CTTNBP2: variants seen among roughly 807,000 people sequenced by gnomAD.
The protein encoded by CTTNBP2 is cortactin binding protein 2, also known as cortactin-binding protein 2.
Under a neutral mutation model 156.9 loss-of-function variants are expected in CTTNBP2, and 108 were observed. That is an observed-to-expected ratio of 0.69 (90% CI 0.59 to 0.81). The LOEUF is 0.81. Ranked by LOEUF, CTTNBP2 falls within the 30% of genes least tolerant of loss-of-function variation. The pLI is 0.00. For missense variants in CTTNBP2, 1,924 were observed against 2,035.4 expected, an observed-to-expected ratio of 0.95 and a Z score of 1.05; for synonymous variants, 767 against 751.8, an observed-to-expected ratio of 1.02 and a Z score of -0.33.
chr7:117,750,529 A>G (rs1036428270), intron 12 of CTTNBP2, among the ~76,000 whole-genome samples: 1 of 152,200 alleles, frequency 6.6e-6, no homozygotes, highest in African/African-American at 2.4e-5. Flanking sequence ...TTTCATTCGT[A>G]GGTTTCTCTC....
At chr7:117,838,005 G>T (rs140815515) in intron 2 of CTTNBP2, among the ~76,000 whole-genome samples, 1 of 152,178 alleles carries the variant, frequency 6.6e-6, no homozygotes, top group African/African-American at 2.4e-5. Flanking sequence ...CAGAGACAGA[G>T]ATCTGAGAGT....
chr7:117,718,369 T>C (rs1036053300), intron 21 of CTTNBP2, among the ~76,000 whole-genome samples: 1 of 151,936 alleles, frequency 6.6e-6, no homozygotes, highest in Admixed American at 6.6e-5. Context: ...AGAAGAACTC[T>C]CTAGGGAAAA....
intron 3 of CTTNBP2, among the ~76,000 whole-genome samples, chr7:117,799,289 T>A (rs1799484306): frequency 6.6e-6 from 1 of 151,710 alleles, no homozygotes; most frequent in Non-Finnish European, 1.5e-5. Flanking sequence ...AATCCACCAA[T>A]ATATAAAAAA....
At chr7:117,869,090 T>C (rs1036690563) in intron 1 of CTTNBP2, among the ~76,000 whole-genome samples, 1 of 152,210 alleles carries the variant, frequency 6.6e-6, no homozygotes, top group Non-Finnish European at 1.5e-5. Flanking sequence ...ATCATCATTT[T>C]GAAAAGCGAG....
At chr7:117,869,370 C>T (rs1804424384) in intron 1 of CTTNBP2, among the ~76,000 whole-genome samples, 1 of 152,156 alleles carries the variant, frequency 6.6e-6, no homozygotes, top group African/African-American at 2.4e-5. Flanking sequence ...TTTTATGACA[C>T]AGCTTCTTGG....
intron 19 of CTTNBP2, among the ~76,000 whole-genome samples, chr7:117,723,234 G>T (rs1379115775): frequency 1.3e-5 from 2 of 151,960 alleles, no homozygotes; most frequent in Non-Finnish European, 2.9e-5. Context: ...TTAAAAAGGG[G>T]TCACAATTTG....
At chr7:117,826,173 T>C (rs1801263068) in intron 2 of CTTNBP2, among the ~76,000 whole-genome samples, 2 of 152,190 alleles carry the variant, frequency 1.3e-5, no homozygotes, top group South Asian at 4.1e-4. Context: ...TCATGAAACA[T>C]AGCCAATTAT....
chr7:117,814,117 G>A (rs1800438794), intron 2 of CTTNBP2, among the ~76,000 whole-genome samples: 2 of 152,102 alleles, frequency 1.3e-5, no homozygotes, highest in Admixed American at 1.3e-4. Flanking sequence ...TATTAAGTCT[G>A]AGTAAACTTT....
chr7:117,828,163 A>G (rs924767782), intron 2 of CTTNBP2, among the ~76,000 whole-genome samples: 1 of 152,188 alleles, frequency 6.6e-6, no homozygotes, highest in Middle Eastern at 3.2e-3. Flanking sequence ...CCCTGCCAGT[A>G]ATTTTACCAC....
intron 2 of CTTNBP2, among the ~76,000 whole-genome samples, chr7:117,855,364 C>T (rs555768920): frequency 7.0e-4 from 107 of 152,324 alleles, no homozygotes; most frequent in East Asian, 3.9e-4. Context: ...CTGCCCGCCT[C>T]GGCCTACCAA....
intron 17 of CTTNBP2, 64 bp from the exon 18 acceptor site, chr7:117,725,321 G>T: frequency 1.4e-6 from 2 of 1,423,122 alleles, no homozygotes; most frequent in Non-Finnish European, 2.0e-6. Context: ...ACACAATTCC[G>T]TGAAAGGACA....
At chr7:117,857,188 G>C (rs138158097) in intron 2 of CTTNBP2, among the ~76,000 whole-genome samples, 10 of 152,256 alleles carry the variant, frequency 6.6e-5, no homozygotes, top group African/African-American at 2.4e-4. Flanking sequence ...TGGAGGAATT[G>C]TTGACAAACT....
At chr7:117,848,003 G>A (rs56414526) in intron 2 of CTTNBP2, among the ~76,000 whole-genome samples, 1 of 151,706 alleles carries the variant, frequency 6.6e-6, no homozygotes, top group African/African-American at 2.4e-5. Flanking sequence ...ATTTTTAGTA[G>A]AAACAGGGTT....
intron 3 of CTTNBP2, among the ~76,000 whole-genome samples, chr7:117,797,927 A>G (rs1799413162): frequency 6.6e-6 from 1 of 152,188 alleles, no homozygotes; most frequent in Non-Finnish European, 1.5e-5. Context: ...AAATTTGATT[A>G]AAAAGGCAAA....
intron 2 of CTTNBP2, among the ~76,000 whole-genome samples, chr7:117,848,972 T>C (rs1227234990): frequency 6.6e-6 from 1 of 152,206 alleles, no homozygotes; most frequent in African/African-American, 2.4e-5. Flanking sequence ...AATCCAACAA[T>C]TCAAGAAAGC....
chr7:117,777,563 G>C lies in CTTNBP2; in HGVS notation c.2726C>G (p.Ala909Gly). 6.2e-7 allele frequency: 1 copy of C among 1,613,902 alleles called. No individual in the cohort carries two copies. Among genetic ancestry groups the C allele is most frequent in the Non-Finnish European group, 8.5e-7 (1 of 1,179,928 alleles). Reference sequence around the variant, plus strand: ...GGCAGCAGTCCAGCCTTCTCTGTTGGCGTGGTTAATGAGGTCTGCAGGAAC... The same window carrying C: ...GGCAGCAGTCCAGCCTTCTCTGTTGCCGTGGTTAATGAGGTCTGCAGGAAC... ...PVVPADLINH[A>G]NREGWTAAHI... The change falls in exon 8 of 23, where the codon GCC (alanine) becomes GGC (glycine). Residue 909 changes from alanine to glycine, a missense_variant. Ala to Gly is a moderately conservative substitution (Grantham distance 60). Transcript: ENST00000160373.
chr7:117,733,733 T>C (rs1361943487), intron 16 of CTTNBP2, among the ~76,000 whole-genome samples: 4 of 152,176 alleles, frequency 2.6e-5, no homozygotes, highest in African/African-American at 9.7e-5. Context: ...TGGCAGACAC[T>C]GTTCAATGAA....
intron 2 of CTTNBP2, among the ~76,000 whole-genome samples, chr7:117,858,181 T>C (rs909871659): frequency 1.3e-5 from 2 of 152,148 alleles, no homozygotes; most frequent in East Asian, 1.9e-4. Flanking sequence ...CCATCCTGGC[T>C]AACACAGTGA....
chr7:117,791,017 G>C, intron 4 of CTTNBP2, 111 bp downstream of exon 4: 1 of 838,402 alleles, frequency 1.2e-6, no homozygotes, highest in Non-Finnish European at 1.9e-6. Flanking sequence ...TGGGGGTGGG[G>C]GGAAGCATCA....
Sources: gnomAD v4.1 joint callset for allele counts (sites outside exome capture counted in the v4.1 genomes callset) on GRCh38, gnomAD v4.1.1 for gene constraint, MANE v1.5 for transcripts, NCBI Gene and HGNC (gene_info 2026-07-23, HGNC 2026-07-21) for gene names.